Variants in SH3KBP1 observed in about 807,000 individuals in gnomAD.
SH3KBP1 encodes SH3 domain-containing kinase-binding protein 1.
A neutral mutation model predicts 50.1 loss-of-function variants in SH3KBP1; 8 were observed. The ratio of observed to expected loss-of-function variants is 0.16; its 90% CI spans 0.09 to 0.29. The LOEUF (loss-of-function observed/expected upper bound fraction) is 0.29. Ranked by LOEUF, SH3KBP1 falls within the 10% of genes least tolerant of loss-of-function variation. The probability of loss-of-function intolerance (pLI) is 1.00; values close to 1 mark genes in which losing one functional copy is unlikely to be tolerated. For synonymous variants in SH3KBP1, 227 were observed against 218.6 expected (o/e 1.04, Z -0.34); for missense variants, 377 against 535.2 (o/e 0.70, Z 2.92).
chrX:19,802,804 G>C (rs909633733), intron 2 of SH3KBP1, among the ~76,000 whole-genome samples: 1 of 111,225 alleles, frequency 9.0e-6, no homozygotes, highest in Admixed American at 9.5e-5. Flanking sequence ...TGTGCTTCCA[G>C]GTCAGTCTCT....
At chrX:19,659,540 T>C (rs973671521) in intron 6 of SH3KBP1, among the ~76,000 whole-genome samples, 7 of 111,747 alleles carry the variant, frequency 6.3e-5, no homozygotes, top group African/African-American at 2.0e-4. Flanking sequence ...AGTGCTGGGA[T>C]TACAGGCATG....
chrX:19,670,482 ATGGTGTAACAGTTAC>A, intron 6 of SH3KBP1: 1 of 413,081 alleles, frequency 2.4e-6, no homozygotes, highest in Non-Finnish European at 3.1e-6. Context: ...TCTCTGTGAC[ATGGTGTAACAGTTAC>A]CGCTTGTGCA....
chrX:19,608,143 G>A, intron 8 of SH3KBP1, 98 bp from the exon 9 acceptor site: 1 of 680,539 alleles, frequency 1.5e-6, no homozygotes, highest in East Asian at 3.5e-5. Context: ...TTTCCTGGAG[G>A]TCCGTGTTAA....
chrX:19,666,124 T>TAA (rs11382341), intron 6 of SH3KBP1, among the ~76,000 whole-genome samples: 1,654 of 92,932 alleles, frequency 0.018, 37 homozygotes, highest in South Asian at 0.068. Flanking sequence ...AAATAATTTG[T>TAA]AAAAAAAAAA....
chrX:19,546,550 C>T (rs984977717), intron 14 of SH3KBP1, among the ~76,000 whole-genome samples: 1 of 112,020 alleles, frequency 8.9e-6, no homozygotes, highest in Admixed American at 9.4e-5. Context: ...AAATCTGCTG[C>T]ATACGGAAGT....
intron 6 of SH3KBP1, among the ~76,000 whole-genome samples, chrX:19,667,043 C>T (rs2062616887): frequency 8.9e-6 from 1 of 112,003 alleles, no homozygotes; most frequent in African/African-American, 3.2e-5. Flanking sequence ...CTGATATGTG[C>T]CACAACATGA....
At chrX:19,788,279 AAAAAAAC>A (rs1569472278) in intron 2 of SH3KBP1, among the ~76,000 whole-genome samples, 5 of 102,871 alleles carry the variant, frequency 4.9e-5, no homozygotes, top group Admixed American at 1.0e-4. Flanking sequence ...CAAAAAAAAA[AAAAAAAC>A]AAAAAAAAAA....
chrX:19,553,645 C>T (rs1046816774), intron 13 of SH3KBP1, among the ~76,000 whole-genome samples: 19 of 105,870 alleles, frequency 1.8e-4, no homozygotes, highest in Non-Finnish European at 3.5e-4. Flanking sequence ...GCTATGGATG[C>T]AGAGAAGGCA....
rs945017619 is a variant in SH3KBP1 at position 19,536,249 on chromosome X, T to C, written c.*168A>G. ...GACTAAACCCTGGGGAAGATTCTCC[T>C]CTTGGATGGAATTTGTGTTGTGCTA... On this transcript the variant is annotated 3_prime_UTR_variant, in exon 18 of 18. Coordinates refer to ENST00000397821, the MANE Select transcript of SH3KBP1 (RefSeq NM_031892.3). 4 of 381,625 alleles carry C rather than the reference T, an allele frequency of 1.0e-5. No individual in the cohort carries two copies. The highest frequency in any genetic ancestry group is 7.8e-5 in the African/African-American group (3 of 38,500). The allele number at this position is 381,625 out of a possible 1,213,427, so 31.5% of individuals were successfully genotyped here.
At chrX:19,672,784 T>C in intron 6 of SH3KBP1, among the ~76,000 whole-genome samples, 1 of 111,117 alleles carries the variant, frequency 9.0e-6, no homozygotes, top group South Asian at 3.8e-4. Flanking sequence ...GGGCCAGGCA[T>C]GGTGGCTCAC....
rs369129754 is a variant in SH3KBP1, at chrX:19,628,377, C to T, written c.897+3487G>A. ...ACTCCTCCCTGCCAGAGTAAATCCT[C>T]GCAGCAGCCCTGTGAGGTCAGCTTT... On this transcript the variant is annotated intron_variant, in intron 8 of 17. Transcript: ENST00000397821. 5.4e-5 allele frequency among the ~76,000 whole-genome samples: 6 copies of T among 111,170 alleles called. No homozygotes were observed. In the East Asian group the frequency reaches 8.5e-4, roughly 16 times the overall value.
chrX:19,659,429 T>A (rs2062395607), intron 6 of SH3KBP1, among the ~76,000 whole-genome samples: 1 of 100,116 alleles, frequency 1.0e-5, no homozygotes, highest in African/African-American at 3.9e-5. Flanking sequence ...GCCCAGCTAA[T>A]TTTTAATTTT....
Position 19,732,048 on chromosome X carries a change from T to C in SH3KBP1, c.286+14270A>G, listed in dbSNP as rs937336956. On this transcript the variant is annotated intron_variant, in intron 3 of 17. Coordinates refer to ENST00000397821, the MANE Select transcript of SH3KBP1 (RefSeq NM_031892.3). ...AAACAGTTGTTTTCATAATATGAAC[T>C]AATGAAAGTTAGCTTTTGATTTTTT... Among the ~76,000 whole-genome samples, 3 of 111,975 alleles carry C rather than the reference T, an allele frequency of 2.7e-5. No homozygotes were observed. The Admixed American group carries it at 2.8e-4, about 11-fold the overall frequency.
At chrX:19,745,595 T>C (rs1364688267) in intron 3 of SH3KBP1, among the ~76,000 whole-genome samples, 1 of 111,970 alleles carries the variant, frequency 8.9e-6, no homozygotes, top group African/African-American at 3.3e-5. Context: ...AGCGCTAACC[T>C]ACAGGCATGC....
intron 1 of SH3KBP1, among the ~76,000 whole-genome samples, chrX:19,874,068 A>AAAAAATATAT (rs1491537486): frequency 1.4e-4 from 8 of 57,033 alleles, no homozygotes; most frequent in African/African-American, 1.1e-3. Context: ...AAAAAAAAAA[A>AAAAAATATAT]ATATATATAT....
At chrX:19,781,428 G>A (rs1310927154) in intron 2 of SH3KBP1, among the ~76,000 whole-genome samples, 2 of 110,344 alleles carry the variant, frequency 1.8e-5, no homozygotes, top group Non-Finnish European at 3.8e-5. Flanking sequence ...GACCAGCCTA[G>A]GCAACATAGT....
intron 6 of SH3KBP1, chrX:19,670,242 C>T (rs1467772463): frequency 7.1e-6 from 3 of 420,765 alleles, no homozygotes; most frequent in Non-Finnish European, 9.0e-6. Flanking sequence ...CCCCGCACTA[C>T]AAAACTAGCC....
chrX:19,847,852 C>T (rs2068404773), intron 1 of SH3KBP1, among the ~76,000 whole-genome samples: 1 of 112,229 alleles, frequency 8.9e-6, no homozygotes, highest in African/African-American at 3.2e-5. Context: ...TACTTTATTG[C>T]AGCATCAGGA....
At chrX:19,867,550 T>C (rs986953831) in intron 1 of SH3KBP1, among the ~76,000 whole-genome samples, 11 of 111,834 alleles carry the variant, frequency 9.8e-5, no homozygotes, top group African/African-American at 3.6e-4. Flanking sequence ...CTCTTCCACC[T>C]CCTAAGCAAG....
Sources: allele counts gnomAD v4.1 joint callset (sites outside exome capture counted in the v4.1 genomes callset), GRCh38; gene constraint gnomAD v4.1.1; transcripts MANE v1.5; gene names NCBI Gene and HGNC (gene_info 2026-07-23, HGNC 2026-07-21).